Variants in RPL21 observed in about 807,000 individuals in gnomAD.
The protein encoded by RPL21 is ribosomal protein L21.
In RPL21, 1 loss-of-function variant was observed where a neutral mutation model predicts 21.2. The observed-to-expected ratio is 0.05, with a 90% CI of 0.02 to 0.22. RPL21 has a LOEUF of 0.22. RPL21 is among the 10% of genes least tolerant of loss of function. The pLI, the probability that RPL21 is intolerant of heterozygous loss-of-function variation, is 1.00. For missense variants in RPL21, 113 were observed against 199.4 expected, an observed-to-expected ratio of 0.57 and a Z score of 2.61; for synonymous variants, 52 against 62.9, an observed-to-expected ratio of 0.83 and a Z score of 0.82.
intron 1 of RPL21, among the ~76,000 whole-genome samples, chr13:27,252,655 G>A (rs761432879): frequency 3.3e-5 from 5 of 152,136 alleles, no homozygotes; most frequent in Non-Finnish European, 5.9e-5. Context: ...CAAGTTTTTG[G>A]AACTTTATAC....
chr13:27,254,464 C>G, intron 3 of RPL21, 183 bp downstream of exon 3: 1 of 537,350 alleles, frequency 1.9e-6, no homozygotes, highest in South Asian at 2.2e-5. Context: ...GGCATGATCT[C>G]ACCTCAACCT....
At chr13:27,252,509 C>A (rs1203276222) in intron 1 of RPL21, among the ~76,000 whole-genome samples, 4 of 152,116 alleles carry the variant, frequency 2.6e-5, no homozygotes, top group African/African-American at 7.2e-5. Context: ...AAAATGGATT[C>A]CAAACTCAGA....
At chr13:27,255,902 T>A in intron 4 of RPL21, 1 of 369,578 alleles carries the variant, frequency 2.7e-6, no homozygotes, top group Non-Finnish European at 5.0e-6. Flanking sequence ...AAAGAGAAGT[T>A]TAGTAAACTT....
At chr13:27,253,685 T>C in intron 1 of RPL21, 80 bp from the exon 2 acceptor site, 2 of 792,754 alleles carry the variant, frequency 2.5e-6, no homozygotes, top group East Asian at 2.5e-5. Flanking sequence ...GCTACTGAAA[T>C]GTGAACATTT....
chr13:27,254,708 A>G (rs1461169169), intron 3 of RPL21, among the ~76,000 whole-genome samples: 1 of 152,060 alleles, frequency 6.6e-6, no homozygotes, highest in Admixed American at 6.5e-5. Context: ...TTTTTAGTAG[A>G]GAAGGGGTTT....
intron 1 of RPL21, 119 bp downstream of exon 1, chr13:27,251,704 A>G (rs1414148563): frequency 1.3e-5 from 2 of 152,548 alleles, no homozygotes; most frequent in Non-Finnish European, 1.5e-5. Context: ...TTTGAGGTCC[A>G]TTGGCATGGG....
At chr13:27,254,811 G>A (rs1397286453) in intron 3 of RPL21, 29 of 349,814 alleles carry the variant, frequency 8.3e-5, no homozygotes, top group East Asian at 5.4e-4. Context: ...GTGAACCACC[G>A]TGCCCGGCCT....
In RPL21 at chr13:27,256,420, T is replaced by A. The variant is rs1399685630; in HGVS notation, c.394-16T>A. The A allele has an allele frequency of 6.3e-7, 1 of 1,587,012 alleles. No homozygotes were observed. Among genetic ancestry groups the A allele is most frequent in the Non-Finnish European group, 8.7e-7 (1 of 1,155,572 alleles). On this transcript the variant is annotated splice_polypyrimidine_tract_variant and intron_variant, in intron 5 of 5. Coordinates refer to ENST00000311549, the MANE Select transcript of RPL21 (RefSeq NM_000982.4). ...ATCACATAATTATTTTATTCCCTTT[T>A]TTTTTCCTTTAATAGCCTGCTCCAC...
intron 3 of RPL21, 80 bp downstream of exon 3, chr13:27,254,361 TGTATGTTGCATCTGTAAGA>T (rs1881789019): frequency 1.2e-6 from 1 of 803,792 alleles, no homozygotes; most frequent in Admixed American, 1.7e-5. Context: ...CAAATACTAG[TGTATGTTGCATCTGTAAGA>T]GTATAGAATG....
rs772475670 is a variant in RPL21 at position 27,254,320 on chromosome 13, G to GA, written c.129+43dup. ...TGGGAAAATAACACTACAGAAGATA[G>GA]AAAAGTTGGATTTAATCTAGTGTAG... On this transcript the variant is annotated intron_variant, in intron 3 of 5. Coordinates refer to ENST00000311549, the MANE Select transcript of RPL21 (RefSeq NM_000982.4). 9 of 1,205,102 alleles carry GA rather than the reference G, an allele frequency of 7.5e-6. No homozygotes were observed. The South Asian group carries it at 1.1e-4, about 15-fold the overall frequency. The allele number at this position is 1,205,102 out of a possible 1,614,324, so 74.7% of individuals were successfully genotyped here. A position where few individuals can be genotyped will look rare whatever the true frequency, so the allele number is the denominator to read the frequency against.
At chr13:27,253,932 T>C in intron 2 of RPL21, 89 bp downstream of exon 2, 4 of 833,100 alleles carry the variant, frequency 4.8e-6, no homozygotes, top group Non-Finnish European at 8.5e-6. Flanking sequence ...AGAATGTGTA[T>C]CAATAGAATT....
intron 1 of RPL21, 126 bp from the exon 2 acceptor site, chr13:27,253,635 CTGCT>C: frequency 1.5e-6 from 1 of 685,362 alleles, no homozygotes; most frequent in South Asian, 1.5e-5. Context: ...ACAGAACTAA[CTGCT>C]TGGTGATCCA....
In RPL21 at chr13:27,255,362, G is replaced by A; in HGVS notation, c.242+8G>A. 1 of 1,098,812 alleles carries A rather than the reference G, an allele frequency of 9.1e-7. No individual in the cohort carries two copies. The highest frequency in any genetic ancestry group is 2.0e-4 in the Middle Eastern group (1 of 5,064). The allele number at this position is 1,098,812 out of a possible 1,614,324, so 68.1% of individuals were successfully genotyped here. ...TGTAAACAAACAAGTTAAGTAAGTA[G>A]TGTTGTAGTTCTTTGTGGCTAACCA... On this transcript the variant is annotated splice_region_variant and intron_variant, in intron 4 of 5. Coordinates refer to ENST00000311549, the MANE Select transcript of RPL21 (RefSeq NM_000982.4).
chr13:27,252,645 C>T (rs1393988804), intron 1 of RPL21, among the ~76,000 whole-genome samples: 1 of 152,106 alleles, frequency 6.6e-6, no homozygotes, highest in East Asian at 1.9e-4. Flanking sequence ...TAACTTAGCA[C>T]AAGTTTTTGG....
At chr13:27,253,558 G>A (rs1304987018) in intron 1 of RPL21, 2 of 507,118 alleles carry the variant, frequency 3.9e-6, no homozygotes, top group East Asian at 7.1e-5. Context: ...GAGTTTTGAT[G>A]TTATAGAACT....
At chr13:27,254,073 T>A in intron 2 of RPL21, 147 bp from the exon 3 acceptor site, 2 of 702,510 alleles carry the variant, frequency 2.8e-6, no homozygotes, top group South Asian at 1.6e-5. Context: ...GTAGGCTGAT[T>A]GTGCTGTCAG....
rs765829851 is a variant in RPL21, at chr13:27,256,234, A to G, written c.293A>G (p.His98Arg). Residue 98 changes from histidine (H) to arginine (R), a missense_variant, in exon 5 of 6, where the codon CAC becomes CGC. Coordinates refer to ENST00000311549, the MANE Select transcript of RPL21 (RefSeq NM_000982.4). ...RINVRIEHIKHSKSRDSFLKR... is the reference protein window; with the variant it reads ...RINVRIEHIKRSKSRDSFLKR... ...AATGTGCGTATTGAGCACATTAAGC[A>G]CTCTAAGAGCCGAGATAGCTTCCTG... The G allele has an allele frequency of 2.2e-5, 35 of 1,587,808 alleles. No individual in the cohort carries two copies. Among genetic ancestry groups the G allele is most frequent in the Non-Finnish European group, 3.0e-5 (35 of 1,161,828 alleles).
At chr13:27,252,592 C>A (rs1232770212) in intron 1 of RPL21, among the ~76,000 whole-genome samples, 1 of 150,936 alleles carries the variant, frequency 6.6e-6, no homozygotes, top group Non-Finnish European at 1.5e-5. Context: ...CTTGGTGATT[C>A]CACAAAGTGA....
intron 1 of RPL21, among the ~76,000 whole-genome samples, chr13:27,252,236 A>G (rs1349961395): frequency 6.6e-6 from 1 of 152,162 alleles, no homozygotes; most frequent in Non-Finnish European, 1.5e-5. Flanking sequence ...GGACGAAGGG[A>G]AAGTGTTTTG....
Sources: gnomAD v4.1 joint callset for allele counts (sites outside exome capture counted in the v4.1 genomes callset) on GRCh38, gnomAD v4.1.1 for gene constraint, MANE v1.5 for transcripts, NCBI Gene and HGNC (gene_info 2026-07-23, HGNC 2026-07-21) for gene names.